Variants in SHISA6 observed in about 807,000 individuals in gnomAD.
SHISA6 encodes the protein shisa family member 6.
SHISA6 carries 22 observed loss-of-function variants against 47.9 expected under a neutral mutation model. The ratio of observed to expected loss-of-function variants is 0.46; its 90% CI spans 0.33 to 0.66. The LOEUF (loss-of-function observed/expected upper bound fraction) is 0.66. Among genes scored for constraint, SHISA6 ranks in the 30% least tolerant of loss-of-function variants. SHISA6 has a pLI of 0.02. For missense variants in SHISA6, 680 were observed against 764.6 expected, an observed-to-expected ratio of 0.89 and a Z score of 1.30; for synonymous variants, 388 against 337.8, an observed-to-expected ratio of 1.15 and a Z score of -1.63.
rs530643144 is a variant in SHISA6, at chr17:11,276,743, A to C, written c.799+13217A>C. Reference sequence around the variant, plus strand: ...CATCACCACTGCTGTCAACACCATCATCACCACGACCATCATCACCATCAT... The same window carrying C: ...CATCACCACTGCTGTCAACACCATCCTCACCACGACCATCATCACCATCAT... On this transcript the variant is annotated intron_variant, in intron 2 of 5. Transcript: ENST00000441885. Among the ~76,000 whole-genome samples, 4 of 152,166 alleles carry C rather than the reference A, an allele frequency of 2.6e-5. No individual in the cohort carries two copies. In the South Asian group the frequency reaches 8.3e-4, roughly 32 times the overall value.
At chr17:11,491,346 G>A (rs961552195) in intron 3 of SHISA6, among the ~76,000 whole-genome samples, 3 of 152,140 alleles carry the variant, frequency 2.0e-5, no homozygotes, top group Non-Finnish European at 4.4e-5. Flanking sequence ...CTGTAATGCA[G>A]TGGGCGGTGG....
intron 2 of SHISA6, among the ~76,000 whole-genome samples, chr17:11,286,616 A>C (rs917979766): frequency 4.6e-5 from 7 of 152,200 alleles, no homozygotes; most frequent in African/African-American, 1.7e-4. Flanking sequence ...TTTCTGGGGA[A>C]TCACGGAAAG....
intron 2 of SHISA6, among the ~76,000 whole-genome samples, chr17:11,295,692 G>A (rs961176880): frequency 5.9e-5 from 9 of 152,242 alleles, no homozygotes; most frequent in Middle Eastern, 3.4e-3. Flanking sequence ...GGCCGGGTGC[G>A]GTGGCTCATG....
intron 3 of SHISA6, among the ~76,000 whole-genome samples, chr17:11,523,024 T>G (rs182127125): frequency 6.6e-6 from 1 of 152,330 alleles, no homozygotes; most frequent in Admixed American, 6.5e-5. Flanking sequence ...TTTTTCTTCT[T>G]TTGCCAACGT....
intron 2 of SHISA6, among the ~76,000 whole-genome samples, chr17:11,299,502 A>G (rs1909851811): frequency 6.6e-6 from 1 of 152,200 alleles, no homozygotes; most frequent in African/African-American, 2.4e-5. Context: ...ACACACATTT[A>G]TTCTTTTACA....
chr17:11,462,417 C>G (rs767119546), intron 3 of SHISA6, among the ~76,000 whole-genome samples: 2 of 152,142 alleles, frequency 1.3e-5, no homozygotes, highest in Admixed American at 1.3e-4. Flanking sequence ...GTCATGGATC[C>G]GGCAACAGCT....
intron 2 of SHISA6, among the ~76,000 whole-genome samples, chr17:11,303,976 C>T (rs1910017472): frequency 1.3e-5 from 2 of 152,194 alleles, no homozygotes; most frequent in Admixed American, 1.3e-4. Flanking sequence ...AGGGCCTGAC[C>T]GGCTCCATAT....
At chr17:11,379,258 T>C (rs1208095704) in intron 2 of SHISA6, among the ~76,000 whole-genome samples, 156 bp from the exon 3 acceptor site, 2 of 149,706 alleles carry the variant, frequency 1.3e-5, no homozygotes, top group African/African-American at 4.9e-5. Context: ...ATATTTTATA[T>C]GTATGTGTAT....
chr17:11,406,755 T>C (rs1913976013), intron 3 of SHISA6, among the ~76,000 whole-genome samples: 1 of 152,218 alleles, frequency 6.6e-6, no homozygotes, highest in South Asian at 2.1e-4. Context: ...TTTCCTGCTT[T>C]CTCTATTAGA....
chr17:11,247,362 T>C (rs180825014), intron 1 of SHISA6, among the ~76,000 whole-genome samples: 89 of 152,284 alleles, frequency 5.8e-4, no homozygotes, highest in African/African-American at 2.0e-3. Flanking sequence ...CCCTTTCTAG[T>C]TCAATTTCTA....
intron 2 of SHISA6, 29 bp from the exon 3 acceptor site, chr17:11,379,385 C>T (rs1912931419): frequency 6.8e-7 from 1 of 1,474,838 alleles, no homozygotes; most frequent in Admixed American, 2.1e-5. Context: ...CGTGGATGCG[C>T]CAGGTAATTC....
intron 3 of SHISA6, among the ~76,000 whole-genome samples, chr17:11,547,485 A>T (rs1161840799): frequency 6.6e-6 from 1 of 152,234 alleles, no homozygotes. Flanking sequence ...GAGAAAACTA[A>T]GGCTGCAATT....
intron 3 of SHISA6, among the ~76,000 whole-genome samples, chr17:11,538,139 C>G (rs763264998): frequency 1.5e-4 from 23 of 152,184 alleles, no homozygotes; most frequent in Admixed American, 6.5e-5. Flanking sequence ...TCTCGGCTCA[C>G]TGCAACTTCT....
At chr17:11,327,203 C>CAGGATAAA (rs1344208790) in intron 2 of SHISA6, among the ~76,000 whole-genome samples, 3 of 152,150 alleles carry the variant, frequency 2.0e-5, no homozygotes, top group African/African-American at 4.8e-5. Context: ...CAAATTCATC[C>CAGGATAAA]AGGATAAAAG....
intron 3 of SHISA6, among the ~76,000 whole-genome samples, chr17:11,444,813 T>C (rs1199494433): frequency 6.6e-6 from 1 of 152,158 alleles, no homozygotes; most frequent in Non-Finnish European, 1.5e-5. Flanking sequence ...GTAAACAAGA[T>C]TCAGATGGGA....
chr17:11,346,610 A>G (rs1911708012), intron 2 of SHISA6, among the ~76,000 whole-genome samples: 1 of 152,238 alleles, frequency 6.6e-6, no homozygotes. Flanking sequence ...CAATCAGTAC[A>G]TGAGTATTTC....
intron 4 of SHISA6, among the ~76,000 whole-genome samples, chr17:11,552,264 G>A (rs2071938307): frequency 6.6e-6 from 1 of 152,336 alleles, no homozygotes; most frequent in Middle Eastern, 3.4e-3. Flanking sequence ...CCACAGCAAG[G>A]AGTGGAACAC....
intron 2 of SHISA6, among the ~76,000 whole-genome samples, chr17:11,378,153 C>A (rs1205596214): frequency 1.3e-5 from 2 of 152,144 alleles, no homozygotes; most frequent in African/African-American, 4.8e-5. Context: ...TTTGTATTTT[C>A]ATAAATTTTT....
chr17:11,376,901 G>A (rs1313313241), intron 2 of SHISA6, among the ~76,000 whole-genome samples: 1 of 152,198 alleles, frequency 6.6e-6, no homozygotes, highest in Admixed American at 6.5e-5. Flanking sequence ...CCTGCGATCT[G>A]TGCCATCCAA....
Sources: gnomAD v4.1 joint callset for allele counts (sites outside exome capture counted in the v4.1 genomes callset) on GRCh38, gnomAD v4.1.1 for gene constraint, MANE v1.5 for transcripts, NCBI Gene and HGNC (gene_info 2026-07-23, HGNC 2026-07-21) for gene names.